SPG11: variants seen among roughly 807,000 people sequenced by gnomAD.
The protein encoded by SPG11 is spatacsin.
A neutral mutation model predicts 274.0 loss-of-function variants in SPG11; 222 were observed. The observed-to-expected ratio is 0.81, with a 90% CI of 0.73 to 0.91. The LOEUF is 0.91. Ranked by LOEUF, SPG11 falls within the 40% of genes least tolerant of loss-of-function variation. SPG11 has a pLI of 0.00. For missense variants in SPG11, 3,114 were observed against 2,872.7 expected (o/e 1.08, Z -1.92); for synonymous variants, 1,144 against 1,039.7 (o/e 1.10, Z -1.93).
At chr15:44,590,819 A>C (rs1444672449) in intron 27 of SPG11, 1 of 152,166 alleles carries the variant, frequency 6.6e-6, no homozygotes, top group Admixed American at 6.5e-5. Flanking sequence ...CCTAGTGCTG[A>C]GTTAGGCCCT....
At chr15:44,657,771 T>C (rs1439105024) in intron 3 of SPG11, among the ~76,000 whole-genome samples, 1 of 152,256 alleles carries the variant, frequency 6.6e-6, no homozygotes, top group African/African-American at 2.4e-5. Context: ...TGAGACTTCA[T>C]AAAATTTAAG....
intron 11 of SPG11, among the ~76,000 whole-genome samples, chr15:44,625,134 C>CAAAA (rs78780878): frequency 1.2e-5 from 1 of 81,004 alleles, no homozygotes; most frequent in Non-Finnish European, 2.6e-5. Flanking sequence ...AACTCTGTCT[C>CAAAA]AAAAAAAAAA....
At chr15:44,564,725 C>T in intron 38 of SPG11, 27 bp from the exon 39 acceptor site, 1 of 1,613,288 alleles carries the variant, frequency 6.2e-7, no homozygotes, top group Non-Finnish European at 8.5e-7. Context: ...AAGAAGGACA[C>T]CATCAGAGCC....
rs528082966 is a variant in SPG11 at position 44,649,299 on chromosome 15, A to T, written c.1457-288T>A. On this transcript the variant is annotated intron_variant, in intron 6 of 39. Coordinates refer to ENST00000261866, the MANE Select transcript of SPG11 (RefSeq NM_025137.4). ...CTGCAGCCTCAGACTCCTGGGCTCA[A>T]GCAATCCTCCCACCTCAGCCTCTGG... Among the ~76,000 whole-genome samples, 3 of 152,258 alleles carry T rather than the reference A, an allele frequency of 2.0e-5. No homozygotes were observed. The East Asian group carries it at 5.8e-4, about 29-fold the overall frequency.
Position 44,598,284 on chromosome 15 carries a change from G to T in SPG11, c.3982C>A (p.Gln1328Lys). The T allele has an allele frequency of 6.2e-7, 1 of 1,613,548 alleles. No individual in the cohort carries two copies. The highest frequency in any genetic ancestry group is 1.1e-5 in the South Asian group (1 of 91,064). The change falls in exon 23 of 40, where the codon CAG becomes AAG. Residue 1328 changes from glutamine to lysine, a missense_variant. By Grantham distance (53) the Gln-to-Lys change is moderately conservative (BLOSUM62 1). Transcript: ENST00000261866. ...ACAAACCTCTTTATTTCCTGTTGCT[G>T]AATGCTGTTCCATGTACCTTCTTCT... The part of the protein sequence containing the change: ...LLEEGTWNSI[Q>K]QQEIKRLSSE...
Position 44,566,313 on chromosome 15 carries a change from G to A in SPG11, c.6755-8C>T, listed in dbSNP as rs776912644. On this transcript the variant is annotated splice_region_variant and splice_polypyrimidine_tract_variant and intron_variant, in intron 36 of 39. Transcript: ENST00000261866. ...CATCCTTGAGGCTGTCCTCTGTAGGGGAAATAAAGAAGATTTGCCGAGTCT... is the reference window on the plus strand; with the variant it reads ...CATCCTTGAGGCTGTCCTCTGTAGGAGAAATAAAGAAGATTTGCCGAGTCT... 1.2e-6 allele frequency: 2 copies of A among 1,613,386 alleles called. No homozygotes were observed. The highest frequency in any genetic ancestry group is 3.3e-5 in the Admixed American group (2 of 59,998).
chr15:44,570,510 G>A lies in SPG11; in HGVS notation c.6477+15C>T. ...TTTCCACAGGATGGAGACTGGGGTTGAGGGGGCTACTTACCACCAGCCCAT... is the reference window on the plus strand; with the variant it reads ...TTTCCACAGGATGGAGACTGGGGTTAAGGGGGCTACTTACCACCAGCCCAT... On this transcript the variant is annotated intron_variant, in intron 34 of 39. Coordinates refer to ENST00000261866, the MANE Select transcript of SPG11 (RefSeq NM_025137.4). 2 of 1,613,982 alleles carry A rather than the reference G, an allele frequency of 1.2e-6. No homozygotes were observed. Among genetic ancestry groups the A allele is most frequent in the Non-Finnish European group, 1.7e-6 (2 of 1,179,938 alleles).
intron 8 of SPG11, among the ~76,000 whole-genome samples, chr15:44,631,877 C>T (rs370290557): frequency 2.8e-5 from 4 of 143,396 alleles, no homozygotes; most frequent in Non-Finnish European, 6.0e-5. Flanking sequence ...GGCGTGATGA[C>T]GGCTCACTGC....
At position 44,564,591 on chromosome 15, in the gene SPG11, C is replaced by A. The variant is rs551095608; in HGVS notation, c.7107G>T (p.Gln2369His). Residue 2369 changes from glutamine (Q) to histidine (H), a missense_variant, in exon 39 of 40, where the codon CAG becomes CAT. Gln to His is a conservative substitution (Grantham distance 24). Coordinates refer to ENST00000261866, the MANE Select transcript of SPG11 (RefSeq NM_025137.4). ...GDFNYLEEFK[Q>H]QRLLKSSIFE... ...ATATACTGGACTTTAATAACCTTTG[C>A]TGCTTAAATTCTTCCAAGTAATTAA... The A allele has an allele frequency of 4.3e-6, 7 of 1,613,848 alleles. No individual in the cohort carries two copies. The African/African-American group carries it at 9.3e-5, about 22-fold the overall frequency.
chr15:44,632,504 G>C (rs983783540), intron 8 of SPG11, among the ~76,000 whole-genome samples: 1 of 151,742 alleles, frequency 6.6e-6, no homozygotes, highest in Non-Finnish European at 1.5e-5. Flanking sequence ...AAAAAGCAGA[G>C]AAGTCTGGGT....
rs751101312 is a variant in SPG11 at position 44,652,247 on chromosome 15, G to C, written c.889C>G (p.Leu297Val). 6.2e-6 allele frequency: 10 copies of C among 1,614,024 alleles called. No individual in the cohort carries two copies. The South Asian group carries it at 8.8e-5, about 14-fold the overall frequency. ...LYFRQHPGHLLCERILEDLPI... is the reference protein window; with the variant it reads ...LYFRQHPGHLVCERILEDLPI... ...AGATCTTCTAGTATTCTTTCACACA[G>C]TAGGTGTCCTGGGTGTTGCCTACAT... The change falls in exon 5 of 40, where the codon CTG becomes GTG. Residue 297 changes from leucine (L) to valine (V), a missense_variant. Physicochemically the swap from Leu to Val is conservative, Grantham distance 32. Coordinates refer to ENST00000261866, the MANE Select transcript of SPG11 (RefSeq NM_025137.4).
intron 7 of SPG11, among the ~76,000 whole-genome samples, chr15:44,641,692 G>A (rs1043839276): frequency 2.1e-5 from 3 of 146,260 alleles, no homozygotes; most frequent in Non-Finnish European, 3.0e-5. Context: ...TGGAAAAAAC[G>A]TTATAAATTA....
intron 11 of SPG11, among the ~76,000 whole-genome samples, chr15:44,624,729 GTGGT>G (rs1418877993): frequency 6.6e-6 from 1 of 152,150 alleles, no homozygotes; most frequent in Non-Finnish European, 1.5e-5. Context: ...TAGCTTACTT[GTGGT>G]AATTTTTTCA....
Position 44,608,551 on chromosome 15 carries a change from A to G in SPG11, c.3346T>C (p.Leu1116=), listed in dbSNP as rs776626926. ...NCLKKVDPQL[L]KMALTPYPKL... ...GGGTAAGGAGTTAATGCCATCTTCAATAGCTGGGGATCCACTTTCTTCAAA... is the reference window on the plus strand; with the variant it reads ...GGGTAAGGAGTTAATGCCATCTTCAGTAGCTGGGGATCCACTTTCTTCAAA... Residue 1116 remains leucine, a synonymous_variant, in exon 19 of 40, where the codon TTG becomes CTG. Coordinates refer to ENST00000261866, the MANE Select transcript of SPG11 (RefSeq NM_025137.4). 2.5e-6 allele frequency: 4 copies of G among 1,614,162 alleles called. No homozygotes were observed. Among genetic ancestry groups the G allele is most frequent in the Non-Finnish European group, 2.5e-6 (3 of 1,180,024 alleles).
At chr15:44,575,500 T>A (rs1367896673) in intron 30 of SPG11, among the ~76,000 whole-genome samples, 5 of 150,782 alleles carry the variant, frequency 3.3e-5, no homozygotes, top group Admixed American at 3.3e-4. Context: ...ATACTTTTTT[T>A]TTTTTTTTTT....
chr15:44,604,423 A>C (rs1474104251), intron 20 of SPG11, among the ~76,000 whole-genome samples: 4 of 152,200 alleles, frequency 2.6e-5, no homozygotes, highest in African/African-American at 4.8e-5. Context: ...AGCACATTTG[A>C]GTTTTTTATT....
chr15:44,575,189 C>T (rs2082509313), intron 30 of SPG11, 148 bp from the exon 31 acceptor site: 2 of 914,016 alleles, frequency 2.2e-6, no homozygotes, highest in Admixed American at 2.5e-5. Context: ...GACAGGGCCC[C>T]ACCTCAACTT....
intron 30 of SPG11, among the ~76,000 whole-genome samples, chr15:44,577,977 G>A (rs1044799841): frequency 6.6e-6 from 1 of 151,506 alleles, no homozygotes; most frequent in Non-Finnish European, 1.5e-5. Flanking sequence ...TGCAGTGACA[G>A]CAGGCAAGAG....
At chr15:44,569,586 G>T in intron 34 of SPG11, 81 bp from the exon 35 acceptor site, 1 of 1,042,506 alleles carries the variant, frequency 9.6e-7, no homozygotes, top group Non-Finnish European at 1.5e-6. Context: ...ATCAGTGGTT[G>T]CTTTCAGATG....
Sources: gnomAD v4.1 joint callset for allele counts (sites outside exome capture counted in the v4.1 genomes callset) on GRCh38, gnomAD v4.1.1 for gene constraint, MANE v1.5 for transcripts, NCBI Gene and HGNC (gene_info 2026-07-23, HGNC 2026-07-21) for gene names.